The following CTBP1 variants were observed in gnomAD, a reference collection of about 807,000 sequenced individuals.
CTBP1 encodes C-terminal-binding protein 1.
In CTBP1, 11 loss-of-function variants were observed where a neutral mutation model predicts 42.1. The ratio of observed to expected loss-of-function variants is 0.26; its 90% CI spans 0.16 to 0.43. CTBP1 has a LOEUF of 0.43. CTBP1 is among the 20% of genes least tolerant of loss of function. The pLI is 1.00. For missense variants in CTBP1, 399 were observed against 624.3 expected (o/e 0.64, Z 3.85); for synonymous variants, 324 against 277.1 (o/e 1.17, Z -1.68).
intron 1 of CTBP1, chr4:1,243,793 G>C: frequency 1.0e-6 from 1 of 985,442 alleles, no homozygotes; most frequent in South Asian, 4.7e-5. Flanking sequence ...AGAGGGGCCT[G>C]TGCTGTCCAA....
In CTBP1 at chr4:1,236,301, G is replaced by A. The variant is rs568873681; in HGVS notation, c.162+1882C>T. On this transcript the variant is annotated intron_variant, in intron 3 of 9. Transcript: ENST00000382952. Reference sequence around the variant, plus strand: ...AGACCAACCTAGTTCTCATCACGGAGGAGCCTGTGGGTCTCCTGAGCAAAC... The same window carrying A: ...AGACCAACCTAGTTCTCATCACGGAAGAGCCTGTGGGTCTCCTGAGCAAAC... 13 of 344,242 alleles carry A rather than the reference G, an allele frequency of 3.8e-5. No individual in the cohort carries two copies. In the East Asian group the frequency reaches 7.3e-4, roughly 19 times the overall value. The allele number at this position is 344,242 out of a possible 1,614,324, so 21.3% of individuals were successfully genotyped here. A position where few individuals can be genotyped will look rare whatever the true frequency, so the allele number is the denominator to read the frequency against.
At chr4:1,218,758 T>C (rs993251319) in intron 5 of CTBP1, among the ~76,000 whole-genome samples, 1 of 152,184 alleles carries the variant, frequency 6.6e-6, no homozygotes, top group Non-Finnish European at 1.5e-5. Flanking sequence ...AGGCGTATCC[T>C]AATCTCTAAA....
chr4:1,242,644 T>TC (rs1732297432), intron 1 of CTBP1: 2 of 985,358 alleles, frequency 2.0e-6, no homozygotes, highest in Non-Finnish European at 2.4e-6. Context: ...ACACCACTCC[T>TC]CATGGCAGGT....
At chr4:1,247,316 G>A (rs1310782984) in intron 1 of CTBP1, among the ~76,000 whole-genome samples, 1 of 152,146 alleles carries the variant, frequency 6.6e-6, no homozygotes, top group Non-Finnish European at 1.5e-5. Flanking sequence ...GTCCCTCCCA[G>A]AGCTCTGCAG....
intron 1 of CTBP1, chr4:1,244,182 G>C: frequency 1.0e-6 from 1 of 985,170 alleles, no homozygotes; most frequent in Non-Finnish European, 1.2e-6. Flanking sequence ...CCATCTGCTT[G>C]CCGGATCCTC....
rs979465083 is a variant in CTBP1, at chr4:1,238,300, C to T, written c.45G>A (p.Pro15=). The change falls in exon 3 of 10, where the codon CCG becomes CCA. Residue 15 remains proline, a synonymous_variant. Transcript: ENST00000382952. The surrounding 1 kb of genome is among the most constrained non-coding windows in gnomAD (Gnocchi z 5.9). The part of the protein sequence containing the change: ...RPPIMNGPLH[P]RPLVALLDGR... ...CATCCAGCAATGCCACCAGGGGCCG[C>T]GGGTGCAGGGGCCCGTTCATGATCG... 5.6e-6 allele frequency: 9 copies of T among 1,593,582 alleles called. No homozygotes were observed. Among genetic ancestry groups the T allele is most frequent in the African/African-American group, 2.7e-5 (2 of 74,454 alleles).
At chr4:1,232,923 G>C (rs1731114286) in intron 3 of CTBP1, 1 of 152,288 alleles carries the variant, frequency 6.6e-6, no homozygotes, top group Non-Finnish European at 1.5e-5. Flanking sequence ...GGGTCCTGCT[G>C]GGTGGGATTG....
intron 1 of CTBP1, chr4:1,243,575 C>T (rs1732411229): frequency 1.0e-6 from 1 of 985,418 alleles, no homozygotes; most frequent in Non-Finnish European, 1.2e-6. Context: ...CACTGTGCAC[C>T]CACAAAGCGC....
intron 4 of CTBP1, 122 bp from the exon 5 acceptor site, chr4:1,225,688 C>T: frequency 9.5e-7 from 1 of 1,055,188 alleles, no homozygotes; most frequent in Admixed American, 2.7e-5. Context: ...GGCCGTGTCC[C>T]CAAGGCCACC....
chr4:1,228,458 C>G, intron 3 of CTBP1, 115 bp from the exon 4 acceptor site: 1 of 1,320,888 alleles, frequency 7.6e-7, no homozygotes, highest in Non-Finnish European at 1.0e-6. Flanking sequence ...GGCTTGTTCC[C>G]CAAGCACCAG....
intron 1 of CTBP1, chr4:1,244,867 G>C (rs1478648698): frequency 9.1e-6 from 9 of 985,468 alleles, no homozygotes; most frequent in Non-Finnish European, 1.1e-5. Context: ...GTGCTGCCCA[G>C]CCAGGGGCTG....
chr4:1,225,334 C>A (rs1343641788), intron 5 of CTBP1, 26 bp downstream of exon 5: 2 of 1,530,128 alleles, frequency 1.3e-6, no homozygotes, highest in Non-Finnish European at 1.8e-6. Flanking sequence ...GGGAGGGACA[C>A]AGGCGTGGAG....
At chr4:1,226,482 A>G (rs896421256) in intron 4 of CTBP1, among the ~76,000 whole-genome samples, 1 of 151,806 alleles carries the variant, frequency 6.6e-6, no homozygotes, top group Non-Finnish European at 1.5e-5. Flanking sequence ...CAGGGGCTGC[A>G]TAGCCCCTAG....
At chr4:1,230,300 G>A (rs1730831253) in intron 3 of CTBP1, among the ~76,000 whole-genome samples, 1 of 152,224 alleles carries the variant, frequency 6.6e-6, no homozygotes, top group African/African-American at 2.4e-5. Flanking sequence ...GGCGAGCGGT[G>A]CGGCCAGGAA....
chr4:1,228,396 T>C, intron 3 of CTBP1, 53 bp from the exon 4 acceptor site: 2 of 1,585,598 alleles, frequency 1.3e-6, no homozygotes, highest in African/African-American at 2.7e-5. Flanking sequence ...CCCTCGGGCT[T>C]GGCCTTCGGG....
At chr4:1,213,441 G>T in intron 8 of CTBP1, 37 bp downstream of exon 8, 1 of 1,602,550 alleles carries the variant, frequency 6.2e-7, no homozygotes, top group Non-Finnish European at 8.5e-7. Context: ...TGGCAGGAAG[G>T]GACCCCCAGG....
chr4:1,245,282 A>G (rs1308085975), intron 1 of CTBP1: 5 of 985,302 alleles, frequency 5.1e-6, no homozygotes, highest in Non-Finnish European at 6.0e-6. Context: ...TGCCAGCAAG[A>G]TTCCTCTCCA....
intron 1 of CTBP1, among the ~76,000 whole-genome samples, chr4:1,247,894 G>A (rs1031472394): frequency 1.3e-5 from 2 of 152,194 alleles, no homozygotes; most frequent in African/African-American, 4.8e-5. Flanking sequence ...GGGCGCGACC[G>A]CCTTCCCTTT....
chr4:1,247,538 G>A (rs981231120), intron 1 of CTBP1, among the ~76,000 whole-genome samples: 2 of 152,086 alleles, frequency 1.3e-5, no homozygotes, highest in African/African-American at 4.8e-5. Flanking sequence ...ACAGAAAGGG[G>A]GACCCCCAAA....
Sources: allele counts gnomAD v4.1 joint callset (sites outside exome capture counted in the v4.1 genomes callset), GRCh38; gene constraint gnomAD v4.1.1; non-coding constraint Gnocchi (gnomAD v3.1); transcripts MANE v1.5; gene names NCBI Gene and HGNC (gene_info 2026-07-23, HGNC 2026-07-21).